Variants in TENM3 observed in about 807,000 individuals in gnomAD.
The protein encoded by TENM3 is teneurin-3.
A neutral mutation model predicts 255.1 loss-of-function variants in TENM3; 63 were observed. That is an observed-to-expected ratio of 0.25 (90% CI 0.20 to 0.30). TENM3 has a LOEUF of 0.30. Ranked by LOEUF, TENM3 falls within the 10% of genes least tolerant of loss-of-function variation. TENM3 has a pLI of 1.00. For missense variants in TENM3, 2,929 were observed against 3,461.1 expected, an observed-to-expected ratio of 0.85 and a Z score of 3.86; for synonymous variants, 1,306 against 1,322.3, an observed-to-expected ratio of 0.99 and a Z score of 0.27.
the TENM3 span, among the ~76,000 whole-genome samples, chr4:182,138,972 A>C: frequency 1.2e-4 from 19 of 152,226 alleles, no homozygotes; most frequent in African/African-American, 4.6e-4. Context: ...TATTTATGAC[A>C]TACCCCTGTT....
chr4:182,151,153 A>G lies in TENM3; in HGVS notation c.-76+6399A>G, dbSNP rs563008803. 1.3e-3 allele frequency among the ~76,000 whole-genome samples: 197 copies of G among 152,130 alleles called. 1 individual carries two copies. The highest frequency in any genetic ancestry group is 2.5e-3 in the Non-Finnish European group (172 of 67,962). On this transcript the variant is annotated intron_variant, in intron 1 of 2. Transcript: ENST00000512480. ...TCCAGCATGTGGCTTCTATACTGGG[A>G]TGGTATCTTAGGAGAGTTTATGTTC... is the stretch of plus-strand genomic sequence containing the variant.
At chr4:182,426,682 A>G (rs1771248187) in intron 3 of TENM3, among the ~76,000 whole-genome samples, 1 of 152,194 alleles carries the variant, frequency 6.6e-6, no homozygotes, top group Non-Finnish European at 1.5e-5. Context: ...TTTAGGGCCC[A>G]GATCATTTCC....
chr4:181,826,484 G>A, the TENM3 span, among the ~76,000 whole-genome samples: 1 of 152,166 alleles, frequency 6.6e-6, no homozygotes, highest in African/African-American at 2.4e-5. Flanking sequence ...AGGCGTGAAA[G>A]CATTTCTTTC....
chr4:182,322,895 T>C (rs1382432207), intron 1 of TENM3, among the ~76,000 whole-genome samples: 1 of 152,166 alleles, frequency 6.6e-6, no homozygotes, highest in Non-Finnish European at 1.5e-5. Flanking sequence ...TGATTTCAAG[T>C]TGACTATGGA....
At chr4:182,040,666 G>C in the TENM3 span, among the ~76,000 whole-genome samples, 6 of 152,078 alleles carry the variant, frequency 3.9e-5, no homozygotes, top group Admixed American at 1.3e-4. Context: ...ACCACACCCT[G>C]CCCAGCTTTC....
At chr4:181,670,393 A>G in the TENM3 span, among the ~76,000 whole-genome samples, 1 of 152,224 alleles carries the variant, frequency 6.6e-6, no homozygotes, top group African/African-American at 2.4e-5. Flanking sequence ...ATACTGCTGT[A>G]TTAATTCTCT....
the TENM3 span, among the ~76,000 whole-genome samples, chr4:182,044,080 G>A: frequency 2.6e-5 from 4 of 152,142 alleles, no homozygotes; most frequent in Admixed American, 6.5e-5. Flanking sequence ...ATTTTCCTAT[G>A]TGATGGTTGC....
At chr4:182,525,241 C>T (rs1739036538) in intron 3 of TENM3, among the ~76,000 whole-genome samples, 2 of 152,130 alleles carry the variant, frequency 1.3e-5, no homozygotes, top group Admixed American at 6.5e-5. Context: ...AGGGCTGTTC[C>T]ACAAAGTGGA....
chr4:181,864,274 G>A, the TENM3 span, among the ~76,000 whole-genome samples: 1 of 152,158 alleles, frequency 6.6e-6, no homozygotes, highest in Non-Finnish European at 1.5e-5. Flanking sequence ...ATTTCTGCAG[G>A]AGTATAAGGG....
intron 3 of TENM3, among the ~76,000 whole-genome samples, chr4:182,509,107 G>T (rs1737119239): frequency 1.3e-5 from 2 of 152,204 alleles, no homozygotes; most frequent in South Asian, 4.1e-4. Flanking sequence ...AAATGACTGT[G>T]ATAATCTAGC....
chr4:182,173,683 G>A (rs151074951), intron 1 of TENM3, among the ~76,000 whole-genome samples: 53 of 152,244 alleles, frequency 3.5e-4, no homozygotes, highest in African/African-American at 1.2e-3. Context: ...GAGGAAATGG[G>A]TATCATCTGC....
rs1022314578 is a variant in TENM3, at chr4:182,455,816, C to A, written c.511+108887C>A. ...ACCTCAGGTGATCCACCCGCCTCAG[C>A]CTCCCAAAGTGCTGGGATGATAGGC... On this transcript the variant is annotated intron_variant, in intron 3 of 27. Transcript: ENST00000511685. Among the ~76,000 whole-genome samples, 57 of 152,248 alleles carry A rather than the reference C, an allele frequency of 3.7e-4. 1 individual carries two copies. The highest frequency in any genetic ancestry group is 1.3e-3 in the African/African-American group (54 of 41,552).
intron 3 of TENM3, among the ~76,000 whole-genome samples, chr4:182,569,002 A>G (rs932639881): frequency 1.3e-5 from 2 of 152,164 alleles, no homozygotes; most frequent in African/African-American, 4.8e-5. Flanking sequence ...GAGGAAGGGA[A>G]TTGTCTGGAA....
chr4:182,783,404 AG>A (rs1033318164), intron 24 of TENM3, among the ~76,000 whole-genome samples: 4 of 152,168 alleles, frequency 2.6e-5, no homozygotes, highest in Non-Finnish European at 4.4e-5. Context: ...TCTGGCTTGT[AG>A]GGTTTCTGCT....
chr4:181,841,209 CAT>C, the TENM3 span, among the ~76,000 whole-genome samples: 1 of 152,056 alleles, frequency 6.6e-6, no homozygotes, highest in Non-Finnish European at 1.5e-5. Context: ...TCCTTTGTGT[CAT>C]ATAATAAATA....
At chr4:181,885,099 T>C in the TENM3 span, among the ~76,000 whole-genome samples, 5 of 152,228 alleles carry the variant, frequency 3.3e-5, no homozygotes, top group Non-Finnish European at 7.3e-5. Flanking sequence ...TCACATTGCT[T>C]TTTGTATAAT....
At chr4:181,931,268 A>G in the TENM3 span, among the ~76,000 whole-genome samples, 159 of 152,358 alleles carry the variant, frequency 1.0e-3, 1 homozygote, top group East Asian at 1.9e-4. Flanking sequence ...GGAAAACCCC[A>G]TCATCTCAGC....
chr4:181,941,173 A>G, the TENM3 span, among the ~76,000 whole-genome samples: 1 of 152,190 alleles, frequency 6.6e-6, no homozygotes, highest in African/African-American at 2.4e-5. Context: ...GTATGAGATC[A>G]TGTGTATCCC....
At chr4:181,712,102 C>T in the TENM3 span, among the ~76,000 whole-genome samples, 1 of 152,044 alleles carries the variant, frequency 6.6e-6, no homozygotes, top group African/African-American at 2.4e-5. Context: ...CTCACTCCTC[C>T]CCAACCCCAG....
Sources: allele counts gnomAD v4.1 joint callset (sites outside exome capture counted in the v4.1 genomes callset), GRCh38; gene constraint gnomAD v4.1.1; transcripts MANE v1.5; gene names NCBI Gene and HGNC (gene_info 2026-07-23, HGNC 2026-07-21).